The following TMEM117 variants were observed in gnomAD, a reference collection of about 807,000 sequenced individuals.
TMEM117 encodes transmembrane protein 117.
TMEM117 carries 27 observed loss-of-function variants against 52.4 expected under a neutral mutation model. That is an observed-to-expected ratio of 0.51 (90% CI 0.38 to 0.71). The LOEUF (loss-of-function observed/expected upper bound fraction) is 0.71, where lower values mean the gene tolerates loss of function less well. Among genes scored for constraint, TMEM117 ranks in the 30% least tolerant of loss-of-function variants. The pLI is 0.00. For synonymous variants in TMEM117, 215 were observed against 206.3 expected (o/e 1.04, Z -0.36); for missense variants, 556 against 630.5 (o/e 0.88, Z 1.26).
intron 3 of TMEM117, among the ~76,000 whole-genome samples, chr12:43,950,120 T>C (rs1945195996): frequency 6.6e-6 from 1 of 152,216 alleles, no homozygotes. Flanking sequence ...AATACTCTGA[T>C]TTGCTGCTTT....
chr12:44,108,357 C>A (rs1015955384), intron 3 of TMEM117, among the ~76,000 whole-genome samples: 1 of 110,848 alleles, frequency 9.0e-6, no homozygotes, highest in African/African-American at 3.5e-5. Flanking sequence ...CCTCCCCCCT[C>A]CCCCGACCCC....
chr12:44,312,784 T>G (rs1460175625), intron 6 of TMEM117, among the ~76,000 whole-genome samples: 1 of 152,182 alleles, frequency 6.6e-6, no homozygotes, highest in Non-Finnish European at 1.5e-5. Flanking sequence ...TGTTATTTAT[T>G]TTTATAATAG....
At chr12:44,094,118 A>T (rs1947717674) in intron 3 of TMEM117, among the ~76,000 whole-genome samples, 1 of 152,196 alleles carries the variant, frequency 6.6e-6, no homozygotes, top group Admixed American at 6.6e-5. Context: ...CCATTCAATT[A>T]GAGTAAGTTA....
intron 2 of TMEM117, among the ~76,000 whole-genome samples, chr12:43,866,089 T>C (rs934285712): frequency 6.6e-6 from 1 of 151,746 alleles, no homozygotes; most frequent in Non-Finnish European, 1.5e-5. Context: ...GGCAAGGAGA[T>C]AGAAAACCAC....
chr12:44,362,473 T>A (rs1488145895), intron 6 of TMEM117, among the ~76,000 whole-genome samples: 2 of 152,138 alleles, frequency 1.3e-5, no homozygotes, highest in Non-Finnish European at 2.9e-5. Flanking sequence ...TTCTACCTGA[T>A]TCATTGCTGT....
chr12:44,096,864 G>A (rs935915453), intron 3 of TMEM117, among the ~76,000 whole-genome samples: 2 of 151,424 alleles, frequency 1.3e-5, no homozygotes, highest in African/African-American at 4.9e-5. Flanking sequence ...ATTGACAAAT[G>A]GGATCTAATT....
intron 5 of TMEM117, among the ~76,000 whole-genome samples, chr12:44,291,191 A>T (rs1950698912): frequency 6.6e-6 from 1 of 152,126 alleles, no homozygotes; most frequent in African/African-American, 2.4e-5. Flanking sequence ...TTTTCAGTGT[A>T]CAGATCTTTC....
chr12:44,323,522 AT>A lies in TMEM117; in HGVS notation c.768+23785del, dbSNP rs1951159497. ...GCTCACGGGCTCATCCTATTTCTTT[AT>A]TGAGGTTTTAGGGTTTTTTCTTACC... is the stretch of plus-strand genomic sequence containing the variant. On this transcript the variant is annotated intron_variant, in intron 6 of 7. Transcript: ENST00000266534. 3.3e-5 allele frequency among the ~76,000 whole-genome samples: 5 copies of A among 152,044 alleles called. No individual in the cohort carries two copies. The South Asian group carries it at 1.0e-3, about 32-fold the overall frequency.
intron 4 of TMEM117, among the ~76,000 whole-genome samples, chr12:44,177,412 C>T (rs559956787): frequency 1.3e-5 from 2 of 152,246 alleles, no homozygotes; most frequent in Admixed American, 6.5e-5. Flanking sequence ...TCAGCTCTTT[C>T]CACACACATA....
chr12:44,222,515 A>T (rs1949802373), intron 5 of TMEM117, among the ~76,000 whole-genome samples: 1 of 152,224 alleles, frequency 6.6e-6, no homozygotes, highest in Non-Finnish European at 1.5e-5. Context: ...GAGTGCCTTC[A>T]TGTGAATCTT....
chr12:43,887,108 C>T (rs1758662448), intron 2 of TMEM117, among the ~76,000 whole-genome samples: 1 of 152,188 alleles, frequency 6.6e-6, no homozygotes, highest in Non-Finnish European at 1.5e-5. Flanking sequence ...CTAGGCCTCC[C>T]AAACTGCTGG....
At chr12:43,842,383 G>T (rs1943129530) in intron 1 of TMEM117, among the ~76,000 whole-genome samples, 1 of 152,074 alleles carries the variant, frequency 6.6e-6, no homozygotes, top group African/African-American at 2.4e-5. Flanking sequence ...GATAACAAGG[G>T]ACTTAAAATT....
At chr12:44,070,901 A>G (rs2137981641) in intron 3 of TMEM117, among the ~76,000 whole-genome samples, 1 of 152,286 alleles carries the variant, frequency 6.6e-6, no homozygotes, top group South Asian at 2.1e-4. Flanking sequence ...TTCCGCAGGC[A>G]ATGAAGAAAG....
intron 2 of TMEM117, among the ~76,000 whole-genome samples, chr12:43,902,027 A>C (rs1444701205): frequency 6.6e-6 from 1 of 152,226 alleles, no homozygotes; most frequent in African/African-American, 2.4e-5. Context: ...AACCTACATA[A>C]ATTTTATAGG....
intron 5 of TMEM117, among the ~76,000 whole-genome samples, chr12:44,230,803 A>T (rs968792928): frequency 6.6e-6 from 1 of 151,932 alleles, no homozygotes; most frequent in Admixed American, 6.6e-5. Context: ...ATTCTCTTTG[A>T]CATTCTTTGC....
intron 4 of TMEM117, among the ~76,000 whole-genome samples, chr12:44,208,205 G>A (rs1949595861): frequency 6.6e-6 from 1 of 152,008 alleles, no homozygotes; most frequent in South Asian, 2.1e-4. Flanking sequence ...TTTTTGCTCA[G>A]ATTGTACAAT....
intron 3 of TMEM117, among the ~76,000 whole-genome samples, chr12:44,077,874 T>C (rs955792284): frequency 6.6e-6 from 1 of 152,172 alleles, no homozygotes; most frequent in African/African-American, 2.4e-5. Flanking sequence ...TATTTTCTTA[T>C]TTATAGAAAA....
intron 3 of TMEM117, among the ~76,000 whole-genome samples, chr12:44,013,543 C>G (rs569981939): frequency 1.1e-4 from 16 of 152,148 alleles, no homozygotes; most frequent in Non-Finnish European, 2.4e-4. Flanking sequence ...TTTCATATTT[C>G]AAATGGTTCC....
upstream of TMEM117, among the ~76,000 whole-genome samples, chr12:43,831,093 C>A (rs555457264): frequency 6.6e-6 from 1 of 152,248 alleles, no homozygotes; most frequent in East Asian, 1.9e-4. Flanking sequence ...AAAATCCTAG[C>A]AGTAGAGTCA....
Sources: allele counts gnomAD v4.1 joint callset (sites outside exome capture counted in the v4.1 genomes callset), GRCh38; gene constraint gnomAD v4.1.1; transcripts MANE v1.5; gene names NCBI Gene and HGNC (gene_info 2026-07-23, HGNC 2026-07-21).